Variants in MCC observed in about 807,000 individuals in gnomAD.
MCC encodes colorectal mutant cancer protein.
A neutral mutation model predicts 116.2 loss-of-function variants in MCC; 90 were observed. That is an observed-to-expected ratio of 0.77 (90% CI 0.65 to 0.92). The LOEUF (loss-of-function observed/expected upper bound fraction) is 0.92. Among genes scored for constraint, MCC ranks in the 40% least tolerant of loss-of-function variants. MCC has a pLI of 0.00. For missense variants in MCC, 1,516 were observed against 1,312.2 expected (o/e 1.16, Z -2.40); for synonymous variants, 578 against 510.5 (o/e 1.13, Z -1.78).
intron 1 of MCC, among the ~76,000 whole-genome samples, chr5:113,462,723 G>A (rs1402391301): frequency 6.6e-6 from 1 of 152,138 alleles, no homozygotes; most frequent in Non-Finnish European, 1.5e-5. Context: ...AGCCAATTAT[G>A]CAAAAAAGGC....
At chr5:113,268,864 A>G (rs1765510636) in intron 3 of MCC, among the ~76,000 whole-genome samples, 1 of 152,176 alleles carries the variant, frequency 6.6e-6, no homozygotes, top group African/African-American at 2.4e-5. Context: ...ACCTTGGAGG[A>G]GCCAACAGTT....
chr5:113,148,024 G>T (rs1334603973), intron 4 of MCC, among the ~76,000 whole-genome samples: 1 of 152,200 alleles, frequency 6.6e-6, no homozygotes, highest in African/African-American at 2.4e-5. Flanking sequence ...TTTTAAAGGG[G>T]TTCATAAGCT....
intron 3 of MCC, among the ~76,000 whole-genome samples, chr5:113,217,527 A>G (rs1247643809): frequency 6.6e-6 from 1 of 152,230 alleles, no homozygotes; most frequent in Admixed American, 6.5e-5. Context: ...GAGATACTTG[A>G]GTTTTGTATG....
intron 3 of MCC, among the ~76,000 whole-genome samples, chr5:113,262,913 G>T (rs1389497367): frequency 1.3e-5 from 2 of 152,032 alleles, no homozygotes; most frequent in Non-Finnish European, 2.9e-5. Context: ...CAGCAATGTG[G>T]AGGTTTCAAC....
chr5:113,171,645 G>A (rs1187381637), intron 3 of MCC, among the ~76,000 whole-genome samples: 1 of 152,178 alleles, frequency 6.6e-6, no homozygotes, highest in South Asian at 2.1e-4. Flanking sequence ...ATGAGCCACC[G>A]CGCCTGGCCC....
chr5:113,120,179 T>G (rs1471288027), intron 6 of MCC, among the ~76,000 whole-genome samples: 1 of 152,214 alleles, frequency 6.6e-6, no homozygotes, highest in African/African-American at 2.4e-5. Flanking sequence ...GACAGAGTCC[T>G]GAAGCTTGGG....
At chr5:113,083,529 C>G (rs957800325) in intron 10 of MCC, among the ~76,000 whole-genome samples, 1 of 152,190 alleles carries the variant, frequency 6.6e-6, no homozygotes, top group African/African-American at 2.4e-5. Flanking sequence ...ATAGCTGGCT[C>G]TCTAAGCCTC....
intron 3 of MCC, among the ~76,000 whole-genome samples, chr5:113,158,043 G>A (rs1220920795): frequency 9.9e-5 from 15 of 152,228 alleles, no homozygotes; most frequent in Admixed American, 9.8e-4. Flanking sequence ...GACAAAGGAA[G>A]GAGCCCTTCC....
intron 11 of MCC, among the ~76,000 whole-genome samples, chr5:113,080,584 A>G (rs1480634359): frequency 5.3e-5 from 8 of 152,150 alleles, no homozygotes; most frequent in Non-Finnish European, 8.8e-5. Context: ...GTTCTCACTC[A>G]TAGGTGGGAA....
chr5:113,479,643 G>GT (rs1175118813), intron 1 of MCC, among the ~76,000 whole-genome samples: 1 of 151,928 alleles, frequency 6.6e-6, no homozygotes, highest in Admixed American at 6.5e-5. Context: ...TCTGTAGGGT[G>GT]TTTTTTTAAT....
chr5:113,126,357 T>C (rs1283258486), intron 5 of MCC, among the ~76,000 whole-genome samples: 1 of 152,136 alleles, frequency 6.6e-6, no homozygotes, highest in Admixed American at 6.5e-5. Context: ...ACAAGATAAA[T>C]GGGGCTTCGA....
chr5:113,431,767 G>C (rs1001224560), intron 1 of MCC, among the ~76,000 whole-genome samples: 9 of 124,408 alleles, frequency 7.2e-5, no homozygotes, highest in African/African-American at 2.1e-4. Flanking sequence ...AGGCCAAGGG[G>C]GGGGGGGGGT....
chr5:113,420,314 T>TA (rs974330426), intron 1 of MCC, among the ~76,000 whole-genome samples: 2 of 151,926 alleles, frequency 1.3e-5, no homozygotes, highest in Admixed American at 1.3e-4. Context: ...ACGCAAAGAA[T>TA]AACAATTAAA....
chr5:113,226,296 A>G (rs1763735262), intron 3 of MCC, among the ~76,000 whole-genome samples: 1 of 152,248 alleles, frequency 6.6e-6, no homozygotes, highest in African/African-American at 2.4e-5. Flanking sequence ...AGGGGCCAGG[A>G]TGGGACCAAA....
chr5:113,477,706 G>C lies in MCC; in HGVS notation c.170+10539C>G, dbSNP rs148995329. ...AATGCTTTAGATAAAAGGAGCTCCAGAGATGTGAAGAGTAGGCTAATTTAA... is the reference window on the plus strand; with the variant it reads ...AATGCTTTAGATAAAAGGAGCTCCACAGATGTGAAGAGTAGGCTAATTTAA... On this transcript the variant is annotated intron_variant, in intron 1 of 18. Coordinates refer to ENST00000408903, the MANE Select transcript of MCC (RefSeq NM_001085377.2). Among the ~76,000 whole-genome samples the C allele has an allele frequency of 2.3e-3, 345 of 152,286 alleles. 3 individuals carry two copies. Among genetic ancestry groups the C allele is most frequent in the Non-Finnish European group, 2.9e-3 (196 of 68,032 alleles).
chr5:113,207,944 G>A (rs776762547), intron 3 of MCC, among the ~76,000 whole-genome samples: 8 of 152,068 alleles, frequency 5.3e-5, no homozygotes, highest in Non-Finnish European at 8.8e-5. Flanking sequence ...GACTTCAATC[G>A]TGTCTGCCTT....
In MCC at chr5:113,029,033, A is replaced by C; in HGVS notation, c.2780T>G (p.Val927Gly). 1 of 1,612,552 alleles carries C rather than the reference A, an allele frequency of 6.2e-7. No individual in the cohort carries two copies. The highest frequency in any genetic ancestry group is 8.5e-7 in the Non-Finnish European group (1 of 1,179,342). ...CTCCAAGGCACTCACCAGCTCTTGA[A>C]CTCTGGCCTTCAACTTCTTTTCTCT... ...IRREKKLKAR[V>G]QELVSALERL... Residue 927 changes from valine (V) to glycine (G), a missense_variant, in exon 18 of 19, where the codon GTT (valine) becomes GGT (glycine). Coordinates refer to ENST00000408903, the MANE Select transcript of MCC (RefSeq NM_001085377.2).
intron 16 of MCC, among the ~76,000 whole-genome samples, chr5:113,048,353 T>G (rs750058833): frequency 1.3e-5 from 2 of 152,198 alleles, no homozygotes; most frequent in African/African-American, 2.4e-5. Flanking sequence ...TGATGAAACC[T>G]TGCACTGACC....
rs144762128 is a variant in MCC at position 113,365,369 on chromosome 5, C to A, written c.415+19599G>T. ...TCTGCTAAACCGTAGCACAAGTGAC[C>A]TTTACTCTAGTTCCAAAAGTTCTTT... On this transcript the variant is annotated intron_variant, in intron 2 of 18. Coordinates refer to ENST00000408903, the MANE Select transcript of MCC (RefSeq NM_001085377.2). 7.8e-4 allele frequency among the ~76,000 whole-genome samples: 119 copies of A among 152,314 alleles called. 2 individuals are homozygous for A. The East Asian group carries it at 0.02, about 26-fold the overall frequency.
Sources: gnomAD v4.1 joint callset for allele counts (sites outside exome capture counted in the v4.1 genomes callset) on GRCh38, gnomAD v4.1.1 for gene constraint, MANE v1.5 for transcripts, NCBI Gene and HGNC (gene_info 2026-07-23, HGNC 2026-07-21) for gene names.